NSD2: variants seen among roughly 807,000 people sequenced by gnomAD.
The protein encoded by NSD2 is histone-lysine N-methyltransferase NSD2.
NSD2 carries 12 observed loss-of-function variants against 139.0 expected under a neutral mutation model. The observed-to-expected ratio is 0.09, with a 90% confidence interval of 0.06 to 0.14. The LOEUF (loss-of-function observed/expected upper bound fraction) is 0.14, where lower values mean the gene tolerates loss of function less well. Ranked by LOEUF, NSD2 falls within the 10% of genes least tolerant of loss-of-function variation. The probability of loss-of-function intolerance (pLI) is 1.00; values close to 1 mark genes in which losing one functional copy is unlikely to be tolerated. For missense variants in NSD2, 1,155 were observed against 1,745.0 expected, an observed-to-expected ratio of 0.66 and a Z score of 6.02; for synonymous variants, 669 against 648.7, an observed-to-expected ratio of 1.03 and a Z score of -0.48.
Position 1,946,627 on chromosome 4 carries a change from G to A in NSD2, c.1882-4445G>A, listed in dbSNP as rs191969432. ...TCATATTTTAGGACTTTTTGTCAACGAAATTGGTTTTGATCCCTTTGGGTA... is the reference window on the plus strand; with the variant it reads ...TCATATTTTAGGACTTTTTGTCAACAAAATTGGTTTTGATCCCTTTGGGTA... On this transcript the variant is annotated intron_variant, in intron 9 of 21. Coordinates refer to ENST00000508803, the MANE Select transcript of NSD2 (RefSeq NM_001042424.3). 1.1e-3 allele frequency: 1,111 copies of A among 1,031,528 alleles called. 15 individuals carry two copies. In the South Asian group the frequency reaches 0.031, roughly 28 times the overall value. 63.9% of individuals were successfully genotyped at this position (1,031,528 alleles called of 1,614,324 possible).
chr4:1,949,973 G>A (rs936513459), intron 9 of NSD2, among the ~76,000 whole-genome samples: 1 of 152,052 alleles, frequency 6.6e-6, no homozygotes, highest in African/African-American at 2.4e-5. Flanking sequence ...TTCTGACTTC[G>A]TGTTCATTGG....
In NSD2 at chr4:1,967,089, A is replaced by G. The variant is rs921751479; in HGVS notation, c.3372+5938A>G. On this transcript the variant is annotated intron_variant, in intron 18 of 21. Coordinates refer to ENST00000508803, the MANE Select transcript of NSD2 (RefSeq NM_001042424.3). ...AACTAAAATCAGAACTGGGTGTGTG[A>G]AGACATTATTACTGCTTCTACAGAA... 5.9e-5 allele frequency among the ~76,000 whole-genome samples: 9 copies of G among 152,224 alleles called. No homozygotes were observed. The South Asian group carries it at 6.2e-4, about 11-fold the overall frequency.
At chr4:1,952,877 A>G in intron 11 of NSD2, 1 of 1,347,496 alleles carries the variant, frequency 7.4e-7, no homozygotes, top group Non-Finnish European at 9.5e-7. Context: ...TTCCTGGGTC[A>G]GGAAGACACC....
intron 18 of NSD2, among the ~76,000 whole-genome samples, chr4:1,963,756 G>A (rs1725596832): frequency 1.3e-5 from 2 of 152,226 alleles, no homozygotes; most frequent in Non-Finnish European, 2.9e-5. Context: ...GCCCACGCCT[G>A]TAATCCCAGC....
intron 9 of NSD2, chr4:1,945,032 CAG>C (rs1723475142): frequency 9.4e-7 from 1 of 1,065,746 alleles, no homozygotes. Context: ...GTGTGATGTG[CAG>C]AGTCCTTGGA....
rs1478163334 is a variant in NSD2 at position 1,872,627 on chromosome 4, AGAGAGAGAGC to A, written c.-30+1087_-30+1096del. On this transcript the variant is annotated intron_variant, in intron 1 of 21. Coordinates refer to ENST00000508803, the MANE Select transcript of NSD2 (RefSeq NM_001042424.3). ...GAGAGAGAGAGAGAGAGAGAGAGAG[AGAGAGAGAGC>A]GCGCAGACCCTGTGAAGACAAGACT... 2.7e-3 allele frequency among the ~76,000 whole-genome samples: 390 copies of A among 143,296 alleles called. 2 individuals are homozygous for A. The highest frequency in any genetic ancestry group is 3.2e-3 in the East Asian group (15 of 4,688). 94.0% of individuals were successfully genotyped at this position (143,296 alleles called of 152,430 possible). A position where few individuals can be genotyped will look rare whatever the true frequency, so the allele number is the denominator to read the frequency against.
At chr4:1,957,753 C>T (rs1314933325) in intron 15 of NSD2, among the ~76,000 whole-genome samples, 180 bp from the exon 16 acceptor site, 2 of 152,148 alleles carry the variant, frequency 1.3e-5, no homozygotes, top group Non-Finnish European at 2.9e-5. Flanking sequence ...CTTTGCCTCA[C>T]ACACTTGGCC....
At chr4:1,876,624 G>C (rs142535205) in intron 1 of NSD2, among the ~76,000 whole-genome samples, 66 of 152,270 alleles carry the variant, frequency 4.3e-4, no homozygotes, top group Middle Eastern at 3.4e-3. Flanking sequence ...CCAGGACTTT[G>C]AGGCTGCAGT....
intron 3 of NSD2, among the ~76,000 whole-genome samples, chr4:1,905,369 C>T (rs976697526): frequency 2.0e-4 from 31 of 152,188 alleles, no homozygotes; most frequent in African/African-American, 6.8e-4. Flanking sequence ...GGAAGTGTGG[C>T]GTCTAGAGTC....
chr4:1,875,385 G>A (rs1055270670), intron 1 of NSD2, among the ~76,000 whole-genome samples: 2 of 146,770 alleles, frequency 1.4e-5, no homozygotes, highest in Non-Finnish European at 1.5e-5. Flanking sequence ...GGGCTCAATC[G>A]ATCCTCCTAC....
chr4:1,883,217 TTTCAGG>T (rs1426858933), intron 1 of NSD2, among the ~76,000 whole-genome samples: 4 of 152,164 alleles, frequency 2.6e-5, no homozygotes, highest in African/African-American at 7.2e-5. Context: ...TTACCTTCCA[TTTCAGG>T]TTCAGAAACA....
chr4:1,911,604 A>AG (rs1042397721), intron 3 of NSD2, among the ~76,000 whole-genome samples: 7 of 148,228 alleles, frequency 4.7e-5, no homozygotes, highest in Non-Finnish European at 8.9e-5. Flanking sequence ...AAAAAAAAAA[A>AG]AAAGAAAAAA....
At chr4:1,947,433 C>G (rs1171613588) in intron 9 of NSD2, 19 of 1,059,400 alleles carry the variant, frequency 1.8e-5, no homozygotes, top group Non-Finnish European at 2.1e-5. Flanking sequence ...GAGACTTCCT[C>G]TGTTCTCAGA....
At chr4:1,888,151 G>A (rs1014588817) in intron 1 of NSD2, among the ~76,000 whole-genome samples, 7 of 152,088 alleles carry the variant, frequency 4.6e-5, no homozygotes, top group Non-Finnish European at 1.0e-4. Context: ...GGTGGCTCAC[G>A]CCTGTAATCC....
intron 1 of NSD2, among the ~76,000 whole-genome samples, chr4:1,899,667 T>C (rs567245815): frequency 6.6e-6 from 1 of 152,354 alleles, no homozygotes; most frequent in South Asian, 2.1e-4. Context: ...AGCTGTGTTT[T>C]GGGGCTCTGG....
chr4:1,948,551 A>T lies in NSD2; in HGVS notation c.1882-2521A>T. Reference sequence around the variant, plus strand: ...GCTAGTTGTCTGTCCGGTGGCTGGGAGGGGGTGTGGTGGGAAAAAGTCGGA... The same window carrying T: ...GCTAGTTGTCTGTCCGGTGGCTGGGTGGGGGTGTGGTGGGAAAAAGTCGGA... On this transcript the variant is annotated intron_variant, in intron 9 of 21. Transcript: ENST00000508803. This position sits in a 1 kb window ranked among gnomAD's most constrained non-coding sequence, Gnocchi z 4.5. 1 of 1,063,800 alleles carries T rather than the reference A, an allele frequency of 9.4e-7. No individual in the cohort carries two copies. The highest frequency in any genetic ancestry group is 1.6e-5 in the African/African-American group (1 of 60,850). The allele number at this position is 1,063,800 out of a possible 1,614,324, so 65.9% of individuals were successfully genotyped here.
At chr4:1,918,841 T>C (rs567175402) in intron 5 of NSD2, 49 of 601,878 alleles carry the variant, frequency 8.1e-5, no homozygotes, top group African/African-American at 6.9e-4. Flanking sequence ...TCCTTCCTAA[T>C]GTGGATAAGA....
rs112833463 is a variant in NSD2 at position 1,967,583 on chromosome 4, A to G, written c.3372+6432A>G. On this transcript the variant is annotated intron_variant, in intron 18 of 21. Coordinates refer to ENST00000508803, the MANE Select transcript of NSD2 (RefSeq NM_001042424.3). ...ACAGAGCGAGACTTTGTCTCAAAAA[A>G]AAAAAAAAAGATATTTCCAACTTAA... 5.8e-3 allele frequency among the ~76,000 whole-genome samples: 877 copies of G among 152,248 alleles called. 9 individuals carry two copies. Among genetic ancestry groups the G allele is most frequent in the African/African-American group, 0.02 (831 of 41,534 alleles).
Position 1,955,979 on chromosome 4 carries a change from A to G in NSD2, c.2676-4A>G. Reference sequence around the variant, plus strand: ...GTGAATCCTGTTTTTAATATTTATAATAGATGGTGGCCGGCAGAAGTTTGC... The same window carrying G: ...GTGAATCCTGTTTTTAATATTTATAGTAGATGGTGGCCGGCAGAAGTTTGC... On this transcript the variant is annotated splice_region_variant and splice_polypyrimidine_tract_variant and intron_variant, in intron 14 of 21. Coordinates refer to ENST00000508803, the MANE Select transcript of NSD2 (RefSeq NM_001042424.3). The surrounding 1 kb of genome is among the most constrained non-coding windows in gnomAD (Gnocchi z 4.7). 1 of 1,614,068 alleles carries G rather than the reference A, an allele frequency of 6.2e-7. No individual in the cohort carries two copies. The highest frequency in any genetic ancestry group is 8.5e-7 in the Non-Finnish European group (1 of 1,180,018).
Sources: allele counts gnomAD v4.1 joint callset (sites outside exome capture counted in the v4.1 genomes callset), GRCh38; gene constraint gnomAD v4.1.1; non-coding constraint Gnocchi (gnomAD v3.1); transcripts MANE v1.5; gene names NCBI Gene and HGNC (gene_info 2026-07-23, HGNC 2026-07-21).